ARHGAP8: variants seen among roughly 807,000 people sequenced by gnomAD.
ARHGAP8 encodes Rho GTPase activating protein 8, also known as rho GTPase-activating protein 8.
ARHGAP8 carries 62 observed loss-of-function variants against 46.1 expected under a neutral mutation model. The observed-to-expected ratio is 1.34, with a 90% CI of 1.10 to 1.66. ARHGAP8 has a LOEUF of 1.66. Among genes scored for constraint, ARHGAP8 ranks in the 40% most tolerant of loss-of-function variants. The pLI is 0.00. For missense variants in ARHGAP8, 923 were observed against 568.4 expected (o/e 1.62, Z -6.34); for synonymous variants, 375 against 243.1 (o/e 1.54, Z -5.05).
At chr22:44,832,686 C>T (rs527331087) in intron 7 of ARHGAP8, among the ~76,000 whole-genome samples, 1 of 152,146 alleles carries the variant, frequency 6.6e-6, no homozygotes, top group African/African-American at 2.4e-5. Context: ...TATCCAGGAT[C>T]ATGTCATCTG....
chr22:44,854,237 CTT>C (rs35201093), intron 10 of ARHGAP8, among the ~76,000 whole-genome samples: 11 of 130,352 alleles, frequency 8.4e-5, no homozygotes, highest in Admixed American at 2.4e-4. Context: ...CCCCTTGTAT[CTT>C]TTTTTTTTTT....
intron 7 of ARHGAP8, among the ~76,000 whole-genome samples, chr22:44,844,096 A>G (rs1284647902): frequency 6.6e-6 from 1 of 152,038 alleles, no homozygotes; most frequent in African/African-American, 2.4e-5. Flanking sequence ...CTCAGCCTCC[A>G]GAGTAGCTGG....
chr22:44,789,964 C>T (rs537022244), intron 2 of ARHGAP8, among the ~76,000 whole-genome samples: 1 of 152,288 alleles, frequency 6.6e-6, no homozygotes, highest in Non-Finnish European at 1.5e-5. Context: ...ACAGAAAGTG[C>T]ATCTGTTACA....
chr22:44,801,958 G>C, intron 2 of ARHGAP8, 119 bp from the exon 3 acceptor site: 1 of 1,177,514 alleles, frequency 8.5e-7, no homozygotes, highest in Non-Finnish European at 1.2e-6. Flanking sequence ...TCCGAGGAAC[G>C]CTGCTGCCTG....
At chr22:44,764,231 T>C (rs886198012) in intron 1 of ARHGAP8, among the ~76,000 whole-genome samples, 1 of 152,150 alleles carries the variant, frequency 6.6e-6, no homozygotes, top group African/African-American at 2.4e-5. Flanking sequence ...GCGTGTTCTG[T>C]TGAGGCCCAC....
At chr22:44,795,572 G>A (rs3788629) in intron 2 of ARHGAP8, among the ~76,000 whole-genome samples, 29,125 of 151,822 alleles carry the variant, frequency 0.19, 3,033 homozygotes, top group East Asian at 0.44. Context: ...GCACTGGTGC[G>A]CTGGCAGGCC....
intron 1 of ARHGAP8, among the ~76,000 whole-genome samples, chr22:44,767,681 T>C (rs1925679693): frequency 6.6e-6 from 1 of 151,816 alleles, no homozygotes; most frequent in African/African-American, 2.4e-5. Flanking sequence ...CATCCCAGCC[T>C]GGCCAACATC....
At chr22:44,787,037 CAAAAA>C (rs57241720) in intron 2 of ARHGAP8, among the ~76,000 whole-genome samples, 1 of 119,126 alleles carries the variant, frequency 8.4e-6, no homozygotes, top group South Asian at 3.3e-4. Flanking sequence ...CTCAAAAAAA[CAAAAA>C]AAAAAAAAAG....
chr22:44,806,176 C>CCACT (rs1928907707), intron 3 of ARHGAP8, among the ~76,000 whole-genome samples: 1 of 152,192 alleles, frequency 6.6e-6, no homozygotes, highest in Non-Finnish European at 1.5e-5. Context: ...GGTTCGTGGA[C>CCACT]TCTTCCACCC....
In ARHGAP8 at chr22:44,773,836, G is replaced by C. The variant is rs560116194; in HGVS notation, c.-71-12621G>C. Among the ~76,000 whole-genome samples, 5 of 152,240 alleles carry C rather than the reference G, an allele frequency of 3.3e-5. No individual in the cohort carries two copies. The South Asian group carries it at 1.0e-3, about 32-fold the overall frequency. On this transcript the variant is annotated intron_variant, in intron 1 of 11. Coordinates refer to ENST00000356099, the MANE Select transcript of ARHGAP8 (RefSeq NM_181335.3). ...GGCCTCAAGTGATCCACCTGCTTTG[G>C]CCCCCCAAAGTGCTGGGATTGCAGG...
intron 7 of ARHGAP8, among the ~76,000 whole-genome samples, chr22:44,843,513 A>G (rs1931782846): frequency 6.6e-6 from 1 of 152,244 alleles, no homozygotes; most frequent in Non-Finnish European, 1.5e-5. Context: ...AAAACATGTT[A>G]GAGTACTGGA....
intron 7 of ARHGAP8, among the ~76,000 whole-genome samples, chr22:44,829,403 G>T (rs192259087): frequency 6.6e-6 from 1 of 152,170 alleles, no homozygotes; most frequent in East Asian, 1.9e-4. Flanking sequence ...TAGGCCTCTC[G>T]GCTCCTAGAA....
chr22:44,859,862 T>G (rs2070382092), intron 11 of ARHGAP8, 28 bp downstream of exon 11: 1 of 1,608,406 alleles, frequency 6.2e-7, no homozygotes, highest in African/African-American at 1.3e-5. Flanking sequence ...GAGCTTGGGG[T>G]GAAGCCCAGT....
At chr22:44,827,955 C>T (rs561149184) in intron 7 of ARHGAP8, among the ~76,000 whole-genome samples, 8 of 152,252 alleles carry the variant, frequency 5.3e-5, no homozygotes, top group South Asian at 2.1e-4. Flanking sequence ...GAGGTCTGCA[C>T]GGTCCAGTAT....
chr22:44,844,129 G>C (rs894773100), intron 7 of ARHGAP8, among the ~76,000 whole-genome samples: 1 of 151,770 alleles, frequency 6.6e-6, no homozygotes, highest in African/African-American at 2.4e-5. Flanking sequence ...GCATCACCAC[G>C]CCTGGCTAAT....
intron 1 of ARHGAP8, among the ~76,000 whole-genome samples, chr22:44,781,317 G>A (rs1004636753): frequency 3.9e-5 from 6 of 151,972 alleles, no homozygotes; most frequent in African/African-American, 9.7e-5. Context: ...GGCTTGCAGC[G>A]ATAGGAACCC....
chr22:44,824,330 A>T (rs933257953), intron 6 of ARHGAP8, among the ~76,000 whole-genome samples: 10 of 150,554 alleles, frequency 6.6e-5, no homozygotes, highest in African/African-American at 2.5e-4. Context: ...ATTAACTCAC[A>T]AAAAACAACC....
At chr22:44,856,463 G>A (rs1287075618) in intron 10 of ARHGAP8, among the ~76,000 whole-genome samples, 2 of 151,712 alleles carry the variant, frequency 1.3e-5, no homozygotes, top group East Asian at 1.9e-4. Flanking sequence ...TAGTAGAGAC[G>A]GGGTTTCACC....
rs1305239116 is a variant in ARHGAP8, at chr22:44,828,322, C to G, written c.596+2729C>G. Among the ~76,000 whole-genome samples the G allele has an allele frequency of 2.0e-5, 3 of 152,284 alleles. No homozygotes were observed. The East Asian group carries it at 5.8e-4, about 29-fold the overall frequency. On this transcript the variant is annotated intron_variant, in intron 7 of 11. Transcript: ENST00000356099. ...CACTCCCACCACCCCTTAGGGGCCGCCCAGGAATGCTGGGCGGGGCAGGCA... is the reference window on the plus strand; with the variant it reads ...CACTCCCACCACCCCTTAGGGGCCGGCCAGGAATGCTGGGCGGGGCAGGCA...
Sources: allele counts gnomAD v4.1 joint callset (sites outside exome capture counted in the v4.1 genomes callset), GRCh38; gene constraint gnomAD v4.1.1; transcripts MANE v1.5; gene names NCBI Gene and HGNC (gene_info 2026-07-23, HGNC 2026-07-21).